NCOR2: variants seen among roughly 807,000 people sequenced by gnomAD.
NCOR2 encodes nuclear receptor corepressor 2.
A neutral mutation model predicts 262.9 loss-of-function variants in NCOR2; 81 were observed. The ratio of observed to expected loss-of-function variants is 0.31; its 90% CI spans 0.26 to 0.37. The LOEUF (loss-of-function observed/expected upper bound fraction) is 0.37. Among genes scored for constraint, NCOR2 ranks in the 10% least tolerant of loss-of-function variants. The pLI is 1.00. For synonymous variants in NCOR2, 1,659 were observed against 1,559.3 expected, an observed-to-expected ratio of 1.06 and a Z score of -1.51; for missense variants, 3,385 against 3,621.4, an observed-to-expected ratio of 0.93 and a Z score of 1.68.
At chr12:124,364,352 A>G (rs1466899903) in intron 20 of NCOR2, among the ~76,000 whole-genome samples, 2 of 152,170 alleles carry the variant, frequency 1.3e-5, no homozygotes, top group East Asian at 3.9e-4. Context: ...GAGCCGAATG[A>G]GCTCCGGTTA....
rs2044981866 is a variant in NCOR2 at position 124,443,909 on chromosome 12, C to A, written c.815+5906G>T. ...GAAAACATCAGGCCATCGGGCCACACCCCTTCATGGCCACAGGCTGGGAAA... is the reference window on the plus strand; with the variant it reads ...GAAAACATCAGGCCATCGGGCCACAACCCTTCATGGCCACAGGCTGGGAAA... On this transcript the variant is annotated intron_variant, in intron 7 of 46. Coordinates refer to ENST00000405201, the Ensembl canonical transcript of NCOR2. The surrounding 1 kb of genome is among the most constrained non-coding windows in gnomAD (Gnocchi z 4.4). Among the ~76,000 whole-genome samples the A allele has an allele frequency of 6.6e-6, 1 of 152,098 alleles. No individual in the cohort carries two copies. Among genetic ancestry groups the A allele is most frequent in the African/African-American group, 2.4e-5 (1 of 41,414 alleles).
chr12:124,347,426 A>G (rs573875289), intron 30 of NCOR2: 9 of 204,964 alleles, frequency 4.4e-5, no homozygotes, highest in Non-Finnish European at 8.8e-5. Flanking sequence ...AAAGCTGCCA[A>G]GTTCACAGTA....
chr12:124,508,311 T>C lies in NCOR2; in HGVS notation c.-117-12943A>G, dbSNP rs557724720. Among the ~76,000 whole-genome samples, 32 of 152,384 alleles carry C rather than the reference T, an allele frequency of 2.1e-4. 1 individual carries two copies. Among genetic ancestry groups the C allele is most frequent in the African/African-American group, 7.7e-4 (32 of 41,594 alleles). ...GGGGCATTGATCAATAAATGTCTGA[T>C]GACGGGACAGTGATCAAGAACCCAA... On this transcript the variant is annotated intron_variant, in intron 1 of 46. Transcript: ENST00000404621.
upstream of NCOR2, among the ~76,000 whole-genome samples, chr12:124,499,747 G>A (rs2048592286): frequency 6.6e-6 from 1 of 152,188 alleles, no homozygotes; most frequent in Non-Finnish European, 1.5e-5. Flanking sequence ...GGTAAGGATG[G>A]ATTTTGTTCT....
intron 13 of NCOR2, among the ~76,000 whole-genome samples, chr12:124,409,361 T>C (rs1434653938): frequency 1.3e-5 from 2 of 152,188 alleles, no homozygotes; most frequent in Non-Finnish European, 2.9e-5. Flanking sequence ...GCACGTGCTG[T>C]GCCCACGGCC....
chr12:124,411,142 G>C (rs1046257317), intron 13 of NCOR2, among the ~76,000 whole-genome samples: 5 of 151,796 alleles, frequency 3.3e-5, no homozygotes, highest in Non-Finnish European at 5.9e-5. Flanking sequence ...GAAAGAGAGA[G>C]AGACGGGAAA....
chr12:124,547,311 G>A (rs766194297), intron 1 of NCOR2, among the ~76,000 whole-genome samples: 1 of 152,128 alleles, frequency 6.6e-6, no homozygotes, highest in Non-Finnish European at 1.5e-5. Flanking sequence ...TTTATTATTA[G>A]TTATGGTTGT....
chr12:124,434,776 G>C (rs1459030788), intron 8 of NCOR2, among the ~76,000 whole-genome samples: 1 of 152,144 alleles, frequency 6.6e-6, no homozygotes, highest in African/African-American at 2.4e-5. Flanking sequence ...TTTATTAGGG[G>C]TGAAGGTCGG....
At chr12:124,365,181 CG>C (rs1555306320) in intron 20 of NCOR2, among the ~76,000 whole-genome samples, 2 of 152,176 alleles carry the variant, frequency 1.3e-5, no homozygotes, top group Non-Finnish European at 2.9e-5. Context: ...ACATGGCAGG[CG>C]TGAGGGCAGC....
At chr12:124,353,980 A>G in intron 27 of NCOR2, 113 bp downstream of exon 29, 1 of 935,232 alleles carries the variant, frequency 1.1e-6, no homozygotes, top group Middle Eastern at 3.1e-4. Context: ...GCTGTCCCCC[A>G]GTCATCACCC....
Position 124,410,489 on chromosome 12 carries a change from C to A in NCOR2, c.1483-7928G>T, listed in dbSNP as rs1221852320. On this transcript the variant is annotated intron_variant, in intron 13 of 46. Coordinates refer to ENST00000405201, the Ensembl canonical transcript of NCOR2. ...CTCACTTCAACCCTAAAACTGCACC[C>A]AATCCTGCCCAGCCCAGCTGGCCCT... is the stretch of plus-strand genomic sequence containing the variant. Among the ~76,000 whole-genome samples the A allele has an allele frequency of 2.6e-5, 4 of 152,008 alleles. No homozygotes were observed. In the East Asian group the frequency reaches 5.9e-4, roughly 22 times the overall value.
At chr12:124,340,325 C>T (rs780246024) in exon 36 of NCOR2, 18 of 1,612,392 alleles carry the variant, frequency 1.1e-5, no homozygotes, top group Non-Finnish European at 1.4e-5. Context: ...GCTCCACCGT[C>T]GTGGTGGACG....
intron 22 of NCOR2, among the ~76,000 whole-genome samples, chr12:124,358,341 C>A (rs1244075): frequency 0.94 from 138,194 of 146,888 alleles, 65,205 homozygotes; most frequent in East Asian, 0.99. Context: ...GTGTGTGTGC[C>A]TGTACACAAT....
chr12:124,343,253 G>A (rs375831996), intron 32 of NCOR2, 27 bp from the exon 35 acceptor site: 45 of 1,588,958 alleles, frequency 2.8e-5, no homozygotes, highest in South Asian at 6.7e-5. Flanking sequence ...TGGATGCATC[G>A]GGCCTCTGGG....
intron 3 of NCOR2, among the ~76,000 whole-genome samples, chr12:124,475,230 G>T (rs904572063): frequency 6.6e-6 from 1 of 151,996 alleles, no homozygotes; most frequent in Non-Finnish European, 1.5e-5. Context: ...TCCCTCAATC[G>T]CCCCAATGCA....
At chr12:124,534,034 A>C (rs982803563) in intron 1 of NCOR2, among the ~76,000 whole-genome samples, 1 of 151,690 alleles carries the variant, frequency 6.6e-6, no homozygotes, top group African/African-American at 2.4e-5. Context: ...AAGCCAAAAG[A>C]TTGGACAACC....
Position 124,523,412 on chromosome 12 carries a change from G to C in NCOR2, c.-118+12153C>G, listed in dbSNP as rs761967302. ...CGGCAGAGGAAAGAGGAGTGCCCAG[G>C]AATGCTCCACGCCAGCCAGCTGGAT... On this transcript the variant is annotated intron_variant, in intron 1 of 46. Coordinates refer to the NCOR2 transcript ENST00000404621. This position sits in a 1 kb window ranked among gnomAD's most constrained non-coding sequence, Gnocchi z 4.0. Among the ~76,000 whole-genome samples the C allele has an allele frequency of 1.3e-5, 2 of 152,150 alleles. No individual in the cohort carries two copies. Among genetic ancestry groups the C allele is most frequent in the Non-Finnish European group, 2.9e-5 (2 of 68,032 alleles).
intron 2 of NCOR2, among the ~76,000 whole-genome samples, chr12:124,484,968 C>G (rs140334830): frequency 2.3e-4 from 35 of 152,270 alleles, no homozygotes; most frequent in African/African-American, 8.2e-4. Flanking sequence ...CCCCGGGGAG[C>G]GGGGCAGCCA....
At chr12:124,495,382 A>G, upstream of NCOR2, 4 of 1,437,852 alleles carry the variant, frequency 2.8e-6, no homozygotes, top group East Asian at 2.5e-5. The surrounding 1 kb of genome is among the most constrained non-coding windows in gnomAD (Gnocchi z 4.4). Context: ...CGGGAAAACA[A>G]GAAAAGAAAA....
Sources: gnomAD v4.1 joint callset for allele counts (sites outside exome capture counted in the v4.1 genomes callset) on GRCh38, gnomAD v4.1.1 for gene constraint, Gnocchi (gnomAD v3.1) non-coding constraint, MANE v1.5 for transcripts, NCBI Gene and HGNC (gene_info 2026-07-23, HGNC 2026-07-21) for gene names.